Variants in EDEM2 observed in about 807,000 individuals in gnomAD.
EDEM2 encodes the protein ER degradation-enhancing alpha-mannosidase-like protein 2.
EDEM2 carries 39 observed loss-of-function variants against 64.8 expected under a neutral mutation model. The observed-to-expected ratio is 0.60, with a 90% CI of 0.47 to 0.79. The LOEUF (loss-of-function observed/expected upper bound fraction) is 0.79. Among genes scored for constraint, EDEM2 ranks in the 30% least tolerant of loss-of-function variants. The pLI is 0.00. For missense variants in EDEM2, 609 were observed against 731.3 expected (o/e 0.83, Z 1.93); for synonymous variants, 296 against 291.5 (o/e 1.02, Z -0.16).
intron 9 of EDEM2, among the ~76,000 whole-genome samples, chr20:35,120,801 T>C (rs776340612): frequency 1.4e-4 from 22 of 152,142 alleles, no homozygotes; most frequent in African/African-American, 4.1e-4. Flanking sequence ...TTTCGCCATA[T>C]TGGTCAGGCT....
chr20:35,118,441 C>T (rs1236068331), intron 10 of EDEM2, 157 bp downstream of exon 10: 7 of 1,123,268 alleles, frequency 6.2e-6, no homozygotes, highest in African/African-American at 4.7e-5. Flanking sequence ...CTTCTCTGTT[C>T]TTTGGTCTCC....
At chr20:35,138,837 G>C (rs1029703038) in intron 4 of EDEM2, among the ~76,000 whole-genome samples, 19 of 151,974 alleles carry the variant, frequency 1.3e-4, no homozygotes, top group Non-Finnish European at 1.8e-4. Context: ...ACCTGCCTCA[G>C]CCTCCCAAAG....
intron 8 of EDEM2, among the ~76,000 whole-genome samples, chr20:35,125,156 G>A (rs1189103047): frequency 6.6e-6 from 1 of 150,472 alleles, no homozygotes; most frequent in African/African-American, 2.4e-5. Flanking sequence ...CTTGGTAAAT[G>A]ACACAATGTC....
chr20:35,131,879 G>T (rs1027445814), intron 6 of EDEM2, 96 bp from the exon 7 acceptor site: 8 of 1,458,542 alleles, frequency 5.5e-6, no homozygotes, highest in Non-Finnish European at 7.4e-6. Context: ...GAGATGCAGG[G>T]CAGGTGCCCC....
intron 6 of EDEM2, chr20:35,134,179 G>A (rs1409460941): frequency 2.2e-6 from 1 of 453,370 alleles, no homozygotes. Context: ...GGAAGCTCTG[G>A]TGTTAAATAA....
chr20:35,132,729 G>A (rs1469145039), intron 6 of EDEM2, among the ~76,000 whole-genome samples: 1 of 152,150 alleles, frequency 6.6e-6, no homozygotes, highest in African/African-American at 2.4e-5. Context: ...GTAGAGACAT[G>A]GTTTCTCCCT....
rs565408534 is a variant in EDEM2, at chr20:35,142,293, A to G, written c.364+80T>C. On this transcript the variant is annotated intron_variant, in intron 4 of 10. Coordinates refer to ENST00000374492, the MANE Select transcript of EDEM2 (RefSeq NM_018217.3). Reference sequence around the variant, plus strand: ...GGTCCTGGCATGGTCAGTCCTTAAAATCCTATTTACCACTTCTTGGTTTAC... The same window carrying G: ...GGTCCTGGCATGGTCAGTCCTTAAAGTCCTATTTACCACTTCTTGGTTTAC... 9.3e-6 allele frequency: 11 copies of G among 1,180,744 alleles called. No homozygotes were observed. The South Asian group carries it at 1.3e-4, about 14-fold the overall frequency. The allele number at this position is 1,180,744 out of a possible 1,614,324, so 73.1% of individuals were successfully genotyped here.
At chr20:35,116,311 AG>A (rs1433968310) in intron 10 of EDEM2, among the ~76,000 whole-genome samples, 1 of 152,136 alleles carries the variant, frequency 6.6e-6, no homozygotes, top group African/African-American at 2.4e-5. Context: ...AAGCTCCTAC[AG>A]TATCTGTATA....
At chr20:35,139,441 G>A (rs537332512) in intron 4 of EDEM2, among the ~76,000 whole-genome samples, 62 of 151,510 alleles carry the variant, frequency 4.1e-4, no homozygotes, top group Non-Finnish European at 6.0e-4. Context: ...CTGAGCTCAG[G>A]AGTTCGTGAC....
intron 9 of EDEM2, among the ~76,000 whole-genome samples, chr20:35,119,157 AC>A (rs2085340841): frequency 6.6e-6 from 1 of 152,222 alleles, no homozygotes; most frequent in African/African-American, 2.4e-5. Flanking sequence ...AGAGAGAAAT[AC>A]ATTTCTATCC....
intron 10 of EDEM2, 66 bp downstream of exon 10, chr20:35,118,532 C>A (rs772671930): frequency 1.2e-6 from 2 of 1,608,500 alleles, no homozygotes; most frequent in African/African-American, 1.3e-5. Flanking sequence ...AAGCTCTACC[C>A]TTAAAGAGGC....
chr20:35,142,617 G>A, intron 3 of EDEM2, 139 bp from the exon 4 acceptor site: 1 of 635,516 alleles, frequency 1.6e-6, no homozygotes, highest in Non-Finnish European at 2.7e-6. Context: ...GGTGACAGCA[G>A]AAGAAAACAC....
At chr20:35,146,982 A>G (rs777331969) in intron 1 of EDEM2, 47 bp from the exon 2 acceptor site, 1 of 1,588,646 alleles carries the variant, frequency 6.3e-7, no homozygotes, top group East Asian at 2.3e-5. Flanking sequence ...ACACAAAAAC[A>G]AGCGGGGGAA....
chr20:35,136,095 T>C (rs2085572301), intron 5 of EDEM2, among the ~76,000 whole-genome samples: 1 of 152,166 alleles, frequency 6.6e-6, no homozygotes, highest in Admixed American at 6.5e-5. Flanking sequence ...CCACAGGGTC[T>C]AGCAACTGTG....
chr20:35,144,910 C>A, intron 3 of EDEM2, 69 bp downstream of exon 3: 1 of 1,549,876 alleles, frequency 6.5e-7, no homozygotes, highest in Non-Finnish European at 8.9e-7. Flanking sequence ...CCCACAGTCA[C>A]GCTGCCAAAA....
At chr20:35,147,073 G>T in intron 1 of EDEM2, 79 bp downstream of exon 1, 1 of 1,550,720 alleles carries the variant, frequency 6.4e-7, no homozygotes, top group South Asian at 1.2e-5. Context: ...GCAAGTCGGG[G>T]TCTGGGATGG....
chr20:35,146,686 C>A (rs1364816099), intron 2 of EDEM2, 139 bp downstream of exon 2: 6 of 892,422 alleles, frequency 6.7e-6, no homozygotes, highest in Non-Finnish European at 1.0e-5. Flanking sequence ...GTAAGAATTG[C>A]GGGGAGCGCG....
At position 35,133,952 on chromosome 20, in the gene EDEM2, A is replaced by G. The variant is rs969468908; in HGVS notation, c.702+786T>C. Among the ~76,000 whole-genome samples, 19 of 152,288 alleles carry G rather than the reference A, an allele frequency of 1.2e-4. No homozygotes were observed. The East Asian group carries it at 3.3e-3, about 26-fold the overall frequency. ...CTGCTGAAGTAACTGAGGACCAGAG[A>G]GGTTGAGTGACTTGCTCAGGGTCAC... On this transcript the variant is annotated intron_variant, in intron 6 of 10. Coordinates refer to ENST00000374492, the MANE Select transcript of EDEM2 (RefSeq NM_018217.3).
intron 7 of EDEM2, among the ~76,000 whole-genome samples, chr20:35,130,268 C>T (rs2085490448): frequency 2.0e-5 from 3 of 151,984 alleles, no homozygotes; most frequent in Admixed American, 2.0e-4. Flanking sequence ...CGAGGTCTCA[C>T]CATGTTGCCC....
Sources: allele counts gnomAD v4.1 joint callset (sites outside exome capture counted in the v4.1 genomes callset), GRCh38; gene constraint gnomAD v4.1.1; transcripts MANE v1.5; gene names NCBI Gene and HGNC (gene_info 2026-07-23, HGNC 2026-07-21).